Variants in FNBP1 observed in about 807,000 individuals in gnomAD.
FNBP1 encodes the protein formin binding protein 1.
In FNBP1, 26 loss-of-function variants were observed where a neutral mutation model predicts 90.6. The observed-to-expected ratio is 0.29, with a 90% CI of 0.21 to 0.40. The LOEUF (loss-of-function observed/expected upper bound fraction) is 0.40, where lower values mean the gene tolerates loss of function less well. Ranked by LOEUF, FNBP1 falls within the 10% of genes least tolerant of loss-of-function variation. The probability of loss-of-function intolerance (pLI) is 1.00; values close to 1 mark genes in which losing one functional copy is unlikely to be tolerated. For missense variants in FNBP1, 635 were observed against 768.0 expected, an observed-to-expected ratio of 0.83 and a Z score of 2.05; for synonymous variants, 260 against 265.2, an observed-to-expected ratio of 0.98 and a Z score of 0.19.
intron 4 of FNBP1, among the ~76,000 whole-genome samples, chr9:129,959,526 T>G: frequency 6.6e-6 from 1 of 151,136 alleles, no homozygotes. Context: ...GAGGCAGAGG[T>G]TGCAGTGAGC....
intron 6 of FNBP1, among the ~76,000 whole-genome samples, chr9:129,932,796 C>T (rs1361114961): frequency 6.6e-6 from 1 of 152,028 alleles, no homozygotes. Flanking sequence ...GTTAAGTACC[C>T]AGCTACCCTC....
At position 129,924,007 on chromosome 9, in the gene FNBP1, G is replaced by A; in HGVS notation, c.1007C>T (p.Ser336Phe). 1.4e-6 allele frequency: 2 copies of A among 1,386,864 alleles called. No individual in the cohort carries two copies. Among genetic ancestry groups the A allele is most frequent in the Middle Eastern group, 1.9e-4 (1 of 5,374 alleles). 85.9% of individuals were successfully genotyped at this position (1,386,864 alleles called of 1,614,324 possible). The stretch of plus-strand genomic sequence containing the variant: ...AGGGGGAGGGGGAGGCTGATGGGGG[G>A]ATGTTAAAAGGGACATAAGCTACAT... ...KKNKLMSLLT[S>F]PHQPPPPPPA... is the part of the protein sequence containing the mutation. The change falls in exon 10 of 17, where the codon TCC (serine) becomes TTC (phenylalanine). Residue 336 changes from serine to phenylalanine, a missense_variant. Physicochemically the swap from Ser to Phe is radical, Grantham distance 155. Transcript: ENST00000446176.
At chr9:130,033,955 G>A (rs1036328812) in intron 1 of FNBP1, among the ~76,000 whole-genome samples, 15 of 150,720 alleles carry the variant, frequency 1.0e-4, no homozygotes, top group African/African-American at 2.9e-4. Context: ...GGCAGAGCTT[G>A]CAGTGAGCAG....
At position 130,015,247 on chromosome 9, in the gene FNBP1, C is replaced by G. The variant is rs150314230; in HGVS notation, c.25-20289G>C. On this transcript the variant is annotated intron_variant, in intron 1 of 16. Transcript: ENST00000446176. ...TAGCAGGTAAAAGAAGACACAACTT[C>G]TCTATTCTCATGGAGCTCACATACT... Among the ~76,000 whole-genome samples the G allele has an allele frequency of 2.8e-3, 420 of 152,270 alleles. 1 individual carries two copies. Among genetic ancestry groups the G allele is most frequent in the Middle Eastern group, 6.8e-3 (2 of 294 alleles).
intron 1 of FNBP1, among the ~76,000 whole-genome samples, chr9:130,003,935 G>T (rs1344734444): frequency 2.5e-5 from 1 of 40,082 alleles, no homozygotes; most frequent in Non-Finnish European, 6.0e-5. Context: ...AAAAAAAAAA[G>T]TAGTCTTCTG....
chr9:130,048,419 T>A, the FNBP1 span, among the ~76,000 whole-genome samples: 5 of 150,454 alleles, frequency 3.3e-5, no homozygotes, highest in Admixed American at 3.3e-4. Flanking sequence ...GTTAGCCAGA[T>A]TTGTATAGTT....
At chr9:129,947,656 C>T (rs1377966212) in intron 6 of FNBP1, among the ~76,000 whole-genome samples, 4 of 150,510 alleles carry the variant, frequency 2.7e-5, no homozygotes, top group African/African-American at 4.9e-5. Flanking sequence ...GAGTTTTGCT[C>T]TTGCTGCCCA....
In FNBP1 at chr9:130,043,093, G is replaced by A. The variant is rs982951880; in HGVS notation, c.-118C>T. On this transcript the variant is annotated 5_prime_UTR_variant, in exon 1 of 17. Coordinates refer to ENST00000446176, the MANE Select transcript of FNBP1 (RefSeq NM_015033.3). ...ACGGCGGAAAGCCCGGAGTCCGCGCGGCCTCCTCCGGCTCGCAGCTCCTCG... is the reference window on the plus strand; with the variant it reads ...ACGGCGGAAAGCCCGGAGTCCGCGCAGCCTCCTCCGGCTCGCAGCTCCTCG... 2.2e-6 allele frequency: 2 copies of A among 908,308 alleles called. No homozygotes were observed. The highest frequency in any genetic ancestry group is 1.7e-5 in the African/African-American group (1 of 57,828). 56.3% of individuals were successfully genotyped at this position (908,308 alleles called of 1,614,324 possible).
At chr9:129,896,133 G>A (rs2035700298) in intron 15 of FNBP1, 137 bp from the exon 16 acceptor site, 1 of 807,580 alleles carries the variant, frequency 1.2e-6, no homozygotes, top group Admixed American at 2.7e-5. Context: ...CTTCTCAGAT[G>A]CACGGACCCC....
rs993207420 is a variant in FNBP1, at chr9:129,965,688, ACACACACACGCGCGCGCGCG to A, written c.346-7155_346-7136del. ...TGAAACCCCATCTCTCTTAAAACACACACACACACGCGCGCGCGCGCACACACACACACACATAGAAAGAA... is the reference window on the plus strand; with the variant it reads ...TGAAACCCCATCTCTCTTAAAACACACACACACACACACACATAGAAAGAA... On this transcript the variant is annotated intron_variant, in intron 4 of 16. Coordinates refer to ENST00000446176, the MANE Select transcript of FNBP1 (RefSeq NM_015033.3). 4.6e-3 allele frequency among the ~76,000 whole-genome samples: 34 copies of A among 7,344 alleles called. No homozygotes were observed. The Non-Finnish European group carries it at 0.086, about 19-fold the overall frequency. The allele number at this position is 7,344 out of a possible 152,430, so 4.8% of individuals were successfully genotyped here. A position where few individuals can be genotyped will look rare whatever the true frequency, so the allele number is the denominator to read the frequency against.
chr9:129,927,134 G>A, intron 8 of FNBP1, 61 bp downstream of exon 8: 3 of 1,555,010 alleles, frequency 1.9e-6, no homozygotes, highest in South Asian at 1.1e-5. Flanking sequence ...ATGGAAAGGG[G>A]ATGGGGAGAA....
In FNBP1 at chr9:129,888,274, C is replaced by A. The variant is rs569485338; in HGVS notation, c.*2265G>T. 5.2e-5 allele frequency: 12 copies of A among 232,396 alleles called. No individual in the cohort carries two copies. The highest frequency in any genetic ancestry group is 1.0e-4 in the Non-Finnish European group (12 of 117,614). The allele number at this position is 232,396 out of a possible 1,614,324, so 14.4% of individuals were successfully genotyped here. Reference sequence around the variant, plus strand: ...GTGACGCACATGCATTCCCGAGGCTCTAAAATCCCATTTTAAAGAACCGTT... The same window carrying A: ...GTGACGCACATGCATTCCCGAGGCTATAAAATCCCATTTTAAAGAACCGTT... On this transcript the variant is annotated 3_prime_UTR_variant, in exon 17 of 17. Coordinates refer to ENST00000446176, the MANE Select transcript of FNBP1 (RefSeq NM_015033.3).
At chr9:130,039,478 C>G (rs74372489) in intron 1 of FNBP1, among the ~76,000 whole-genome samples, 1 of 151,988 alleles carries the variant, frequency 6.6e-6, no homozygotes, top group Non-Finnish European at 1.5e-5. Context: ...AGTTCGAGAC[C>G]AGCCTGGCCA....
intron 2 of FNBP1, among the ~76,000 whole-genome samples, chr9:129,991,130 T>A (rs2053084707): frequency 6.6e-6 from 1 of 151,722 alleles, no homozygotes; most frequent in Non-Finnish European, 1.5e-5. Flanking sequence ...GAGACAGGGT[T>A]TCACCATGTT....
At chr9:129,986,964 C>T (rs2131108328) in intron 2 of FNBP1, among the ~76,000 whole-genome samples, 2 of 152,104 alleles carry the variant, frequency 1.3e-5, no homozygotes, top group African/African-American at 4.8e-5. Context: ...GGAAAGAGCA[C>T]TAAGAAAAAC....
intron 1 of FNBP1, among the ~76,000 whole-genome samples, chr9:130,023,242 C>T (rs2058025551): frequency 6.6e-6 from 1 of 152,072 alleles, no homozygotes; most frequent in South Asian, 2.1e-4. Context: ...GGCAGTCACA[C>T]ACCAGGTGTG....
chr9:129,935,757 G>A (rs2043344395), intron 6 of FNBP1, among the ~76,000 whole-genome samples: 1 of 152,116 alleles, frequency 6.6e-6, no homozygotes, highest in South Asian at 2.1e-4. Context: ...AAAGTGCTGG[G>A]ATTATAGGCA....
intron 10 of FNBP1, chr9:129,918,998 CT>C (rs5900875): frequency 3.0e-3 from 463 of 153,026 alleles, no homozygotes; most frequent in South Asian, 0.012. Flanking sequence ...TTAGGCTTTT[CT>C]TTTTTTTTTT....
chr9:130,018,802 C>T (rs942174177), intron 1 of FNBP1, among the ~76,000 whole-genome samples: 1 of 152,098 alleles, frequency 6.6e-6, no homozygotes, highest in African/African-American at 2.4e-5. Flanking sequence ...TATAGTGTAG[C>T]TAAATTGTAC....
Sources: gnomAD v4.1 joint callset for allele counts (sites outside exome capture counted in the v4.1 genomes callset) on GRCh38, gnomAD v4.1.1 for gene constraint, MANE v1.5 for transcripts, NCBI Gene and HGNC (gene_info 2026-07-23, HGNC 2026-07-21) for gene names.